Variants in ANGPT4 observed in about 807,000 individuals in gnomAD.
ANGPT4 encodes the protein angiopoietin 4.
In ANGPT4, 50 loss-of-function variants were observed where a neutral mutation model predicts 53.0. The ratio of observed to expected loss-of-function variants is 0.94; its 90% CI spans 0.75 to 1.20. The LOEUF is 1.20. Ranked by LOEUF, ANGPT4 falls within the 50% of genes most tolerant of loss-of-function variation. The probability of loss-of-function intolerance (pLI) is 0.00; values close to 1 mark genes in which losing one functional copy is unlikely to be tolerated. For missense variants in ANGPT4, 648 were observed against 637.1 expected (o/e 1.02, Z -0.18); for synonymous variants, 251 against 259.7 (o/e 0.97, Z 0.32).
At chr20:890,108 G>A (rs1233127539) in intron 2 of ANGPT4, 105 bp downstream of exon 2, 4 of 1,390,592 alleles carry the variant, frequency 2.9e-6, no homozygotes, top group African/African-American at 1.4e-5. Context: ...CCCAGAGGAG[G>A]CCTTGACCCT....
chr20:902,852 C>T (rs914575380), intron 1 of ANGPT4, among the ~76,000 whole-genome samples: 2 of 152,196 alleles, frequency 1.3e-5, no homozygotes, highest in Non-Finnish European at 2.9e-5. Context: ...AGTGCAAGGA[C>T]TTTGCCTGCC....
chr20:878,880 CTG>C (rs998027299), intron 6 of ANGPT4, among the ~76,000 whole-genome samples: 1 of 152,194 alleles, frequency 6.6e-6, no homozygotes, highest in Non-Finnish European at 1.5e-5. Flanking sequence ...AAATGTAAAA[CTG>C]AGAGTGTGGG....
At chr20:890,614 C>T (rs76830537) in intron 1 of ANGPT4, among the ~76,000 whole-genome samples, 20,798 of 152,174 alleles carry the variant, frequency 0.14, 1,757 homozygotes, top group East Asian at 0.46. Context: ...CACAGTCCAT[C>T]CCCCACTAGG....
chr20:890,208 G>A lies in ANGPT4; in HGVS notation c.465+5C>T, dbSNP rs199995978. Reference sequence around the variant, plus strand: ...CTCAGTGCCCACTCAGTCACCCTCTGTTACCTGAGCCTCCATGTCGGTCAG... The same window carrying A: ...CTCAGTGCCCACTCAGTCACCCTCTATTACCTGAGCCTCCATGTCGGTCAG... On this transcript the variant is annotated splice_donor_5th_base_variant and intron_variant, in intron 2 of 8. Coordinates refer to ENST00000381922, the MANE Select transcript of ANGPT4 (RefSeq NM_015985.4). 2.5e-6 allele frequency: 4 copies of A among 1,612,914 alleles called. No individual in the cohort carries two copies. The highest frequency in any genetic ancestry group is 2.2e-5 in the East Asian group (1 of 44,844).
At chr20:876,274 A>G (rs935755994) in intron 7 of ANGPT4, among the ~76,000 whole-genome samples, 1 of 152,124 alleles carries the variant, frequency 6.6e-6, no homozygotes, top group Non-Finnish European at 1.5e-5. Flanking sequence ...GTGGGAATTC[A>G]GAGGGAATAC....
intron 1 of ANGPT4, among the ~76,000 whole-genome samples, chr20:900,753 C>G (rs909308651): frequency 1.1e-4 from 17 of 152,126 alleles, no homozygotes; most frequent in Admixed American, 1.1e-3. Flanking sequence ...TATATGACAA[C>G]ATAAAAAAAC....
Position 890,342 on chromosome 20 carries a change from C to G in ANGPT4, c.336G>C (p.Leu112Phe). Residue 112 changes from leucine (L) to phenylalanine (F), a missense_variant, in exon 2 of 9, where the codon TTG becomes TTC. Leu to Phe is a conservative substitution (Grantham distance 22, BLOSUM62 0). Coordinates refer to ENST00000381922, the MANE Select transcript of ANGPT4 (RefSeq NM_015985.4). ...GCTGGACCTGCTCCAGCTTCGACCTCAAGATCGTCTTGATGGCCCTCTCTA... is the reference window on the plus strand; with the variant it reads ...GCTGGACCTGCTCCAGCTTCGACCTGAAGATCGTCTTGATGGCCCTCTCTA... The part of the protein sequence containing the change: ...KKLERAIKTI[L>F]RSKLEQVQQQ... 1 of 1,608,686 alleles carries G rather than the reference C, an allele frequency of 6.2e-7. No individual in the cohort carries two copies. Among genetic ancestry groups the G allele is most frequent in the South Asian group, 1.1e-5 (1 of 90,984 alleles).
At chr20:882,923 A>T (rs1981467432) in intron 4 of ANGPT4, among the ~76,000 whole-genome samples, 1 of 152,248 alleles carries the variant, frequency 6.6e-6, no homozygotes. Context: ...TGGGAGGCAT[A>T]AGAATAGGAT....
chr20:879,612 G>T, intron 6 of ANGPT4, 135 bp downstream of exon 6: 1 of 527,682 alleles, frequency 1.9e-6, no homozygotes, highest in Non-Finnish European at 3.2e-6. Flanking sequence ...CCATAAAGCA[G>T]ATGTGCACTG....
In ANGPT4 at chr20:885,061, G is replaced by A. The variant is rs758869977; in HGVS notation, c.835+17C>T. ...TGCCCGTCTTTAGCCACACTGGGGC[G>A]CACACCGCTCACTCACCCGGGGCCG... is the stretch of plus-strand genomic sequence containing the variant. On this transcript the variant is annotated intron_variant, in intron 4 of 8. Transcript: ENST00000381922. 2.0e-5 allele frequency: 32 copies of A among 1,613,132 alleles called. No homozygotes were observed. Among genetic ancestry groups the A allele is most frequent in the Non-Finnish European group, 2.5e-5 (30 of 1,179,852 alleles).
At chr20:903,573 T>C (rs1262781959) in intron 1 of ANGPT4, among the ~76,000 whole-genome samples, 1 of 152,186 alleles carries the variant, frequency 6.6e-6, no homozygotes. Flanking sequence ...CTGCCTTGGG[T>C]CCCGTGTGGC....
intron 1 of ANGPT4, among the ~76,000 whole-genome samples, chr20:898,384 C>A (rs1982138400): frequency 6.6e-6 from 1 of 152,188 alleles, no homozygotes; most frequent in Non-Finnish European, 1.5e-5. Context: ...AAGGTTAATG[C>A]TCCTTTTTCT....
In ANGPT4 at chr20:874,530, C is replaced by A. The variant is rs1284186330; in HGVS notation, c.1221-116G>T. The A allele has an allele frequency of 7.1e-6, 10 of 1,408,588 alleles. No individual in the cohort carries two copies. In the African/African-American group the frequency reaches 1.3e-4, roughly 18 times the overall value. 87.3% of individuals were successfully genotyped at this position (1,408,588 alleles called of 1,614,324 possible). Reference sequence around the variant, plus strand: ...AGGCTGGGCTTCCCCTCCAGGTGTTCTTGGAGGGACAGCCCCAGCCTGGGT... The same window carrying A: ...AGGCTGGGCTTCCCCTCCAGGTGTTATTGGAGGGACAGCCCCAGCCTGGGT... On this transcript the variant is annotated intron_variant, in intron 7 of 8. Transcript: ENST00000381922.
intron 1 of ANGPT4, among the ~76,000 whole-genome samples, chr20:912,461 C>G (rs555840045): frequency 1.8e-4 from 27 of 152,198 alleles, no homozygotes; most frequent in Non-Finnish European, 3.2e-4. Context: ...CTGCAGCCGG[C>G]TCTGTCCCCC....
At chr20:879,687 G>GCCCAGC (rs1226915858) in intron 6 of ANGPT4, 60 bp downstream of exon 6, 55 of 1,482,348 alleles carry the variant, frequency 3.7e-5, no homozygotes, top group Middle Eastern at 1.7e-4. Context: ...CCTTCCAACA[G>GCCCAGC]CCCAGCCCCA....
chr20:886,672 T>C (rs976916886), intron 3 of ANGPT4, among the ~76,000 whole-genome samples: 2 of 152,242 alleles, frequency 1.3e-5, no homozygotes, highest in African/African-American at 2.4e-5. Flanking sequence ...CACGATCATC[T>C]AGCACAAAAC....
At chr20:878,108 C>A (rs541145614) in intron 7 of ANGPT4, 53 bp downstream of exon 7, 2 of 1,540,166 alleles carry the variant, frequency 1.3e-6, no homozygotes, top group East Asian at 2.3e-5. Flanking sequence ...GACCCCAGCC[C>A]GCCCACTAGC....
intron 3 of ANGPT4, 50 bp from the exon 4 acceptor site, chr20:885,375 C>G: frequency 6.8e-7 from 1 of 1,464,514 alleles, no homozygotes; most frequent in East Asian, 2.5e-5. Flanking sequence ...TCGCGAAGCA[C>G]GCACCCCCGC....
intron 7 of ANGPT4, among the ~76,000 whole-genome samples, chr20:875,264 A>C (rs1232595307): frequency 6.6e-6 from 1 of 152,088 alleles, no homozygotes; most frequent in Non-Finnish European, 1.5e-5. Context: ...TCCCCAGCTG[A>C]TGATGATCTG....
Sources: gnomAD v4.1 joint callset for allele counts (sites outside exome capture counted in the v4.1 genomes callset) on GRCh38, gnomAD v4.1.1 for gene constraint, MANE v1.5 for transcripts, NCBI Gene and HGNC (gene_info 2026-07-23, HGNC 2026-07-21) for gene names.